The following UPF3B variants were observed in gnomAD, a reference collection of about 807,000 sequenced individuals.
UPF3B encodes UPF3B regulator of nonsense mediated mRNA decay, also known as regulator of nonsense transcripts 3B.
A neutral mutation model predicts 40.3 loss-of-function variants in UPF3B; 7 were observed. That is an observed-to-expected ratio of 0.17 (90% CI 0.10 to 0.33). The LOEUF (loss-of-function observed/expected upper bound fraction) is 0.33. Among genes scored for constraint, UPF3B ranks in the 10% least tolerant of loss-of-function variants. The pLI, the probability that UPF3B is intolerant of heterozygous loss-of-function variation, is 1.00. For missense variants in UPF3B, 229 were observed against 358.9 expected (o/e 0.64, Z 2.93); for synonymous variants, 117 against 117.3 (o/e 1.00, Z 0.01).
Position 119,837,978 on chromosome X carries a change from G to A in UPF3B, c.1081C>T (p.Arg361Ter). The A allele has an allele frequency of 8.3e-7, 1 of 1,210,058 alleles. No homozygotes were observed. Among genetic ancestry groups the A allele is most frequent in the Non-Finnish European group, 1.1e-6 (1 of 895,251 alleles). The change falls in exon 10 of 11, where the codon CGA (arginine) becomes TGA (stop). Residue 361 changes from arginine to a stop codon, truncating the protein, a stop_gained. Coordinates refer to ENST00000276201, the MANE Select transcript of UPF3B (RefSeq NM_080632.3). LOFTEE classifies it high-confidence loss of function. ...EYERDQERIL[R>*]ERERLKRQEE... Reference sequence around the variant, plus strand: ...TGCCGCTTCAGCCTCTCTCTTTCTCGAAGTATGCGCTCCTGATCTCGTTCA... The same window carrying A: ...TGCCGCTTCAGCCTCTCTCTTTCTCAAAGTATGCGCTCCTGATCTCGTTCA...
At position 119,837,683 on chromosome X, in the gene UPF3B, C is replaced by G. The variant is rs948494343; in HGVS notation, c.1302+74G>C. The G allele has an allele frequency of 5.8e-6, 6 of 1,032,702 alleles. No individual in the cohort carries two copies. The African/African-American group carries it at 1.1e-4, about 20-fold the overall frequency. The allele number at this position is 1,032,702 out of a possible 1,213,427, so 85.1% of individuals were successfully genotyped here. On this transcript the variant is annotated intron_variant, in intron 10 of 10. Coordinates refer to ENST00000276201, the MANE Select transcript of UPF3B (RefSeq NM_080632.3). Reference sequence around the variant, plus strand: ...CTTTAAAAATTCTATAATAACAGTGCCCTTTACACTTTCTTTACACTTGCA... The same window carrying G: ...CTTTAAAAATTCTATAATAACAGTGGCCTTTACACTTTCTTTACACTTGCA...
At chrX:119,845,063 G>A (rs1279139993) in intron 4 of UPF3B, 135 bp downstream of exon 4, 8 of 509,189 alleles carry the variant, frequency 1.6e-5, no homozygotes, top group Non-Finnish European at 2.7e-5. Flanking sequence ...GCTTCCATCG[G>A]CAAATAACAT....
chrX:119,813,853 C>T (rs1005797375), intron 5 of UPF3B, among the ~76,000 whole-genome samples: 3 of 110,554 alleles, frequency 2.7e-5, no homozygotes, highest in African/African-American at 6.6e-5. Context: ...CATGAGCCAC[C>T]GTGCCTGGCC....
intron 5 of UPF3B, among the ~76,000 whole-genome samples, chrX:119,811,025 C>T (rs911443859): frequency 9.2e-6 from 1 of 108,607 alleles, no homozygotes; most frequent in African/African-American, 3.3e-5. Flanking sequence ...TTATCTTTTA[C>T]GTCTATTTTC....
intron 3 of UPF3B, among the ~76,000 whole-genome samples, chrX:119,847,789 T>C (rs1423983547): frequency 1.8e-5 from 2 of 109,512 alleles, no homozygotes; most frequent in Non-Finnish European, 3.8e-5. Flanking sequence ...AAAATAAAAA[T>C]AGAATTACCA....
intron 5 of UPF3B, among the ~76,000 whole-genome samples, chrX:119,842,629 C>CACACACACACACACAG (rs202167619): frequency 2.8e-5 from 3 of 107,210 alleles, no homozygotes; most frequent in African/African-American, 1.0e-4. Context: ...CACACACACA[C>CACACACACACACACAG]AGAGAGAGAG....
At chrX:119,850,068 GGGA>G (rs1569463711) in intron 3 of UPF3B, among the ~76,000 whole-genome samples, 2 of 103,058 alleles carry the variant, frequency 1.9e-5, no homozygotes, top group African/African-American at 7.8e-5. Flanking sequence ...GGTGGGGGGG[GGGA>G]AATCACTTGA....
At chrX:119,820,226 C>G (rs1302260342) in intron 4 of UPF3B, among the ~76,000 whole-genome samples, 1 of 111,958 alleles carries the variant, frequency 8.9e-6, no homozygotes, top group East Asian at 2.8e-4. Flanking sequence ...TCACTACAAC[C>G]TCTGCCTCCC....
chrX:119,838,286 T>G, intron 9 of UPF3B, 81 bp downstream of exon 9: 2 of 1,096,564 alleles, frequency 1.8e-6, no homozygotes, highest in South Asian at 3.8e-5. Context: ...CAGCTTATCT[T>G]AATTCAGGTA....
intron 5 of UPF3B, among the ~76,000 whole-genome samples, chrX:119,812,138 A>C (rs2147753301): frequency 9.0e-6 from 1 of 111,093 alleles, no homozygotes; most frequent in East Asian, 2.8e-4. Flanking sequence ...TCTGCAATCC[A>C]GCTACTTGGG....
In UPF3B at chrX:119,815,252, G is replaced by T; in HGVS notation, c.551C>A (p.Ser184Ter). 1 of 797,822 alleles carries T rather than the reference G, an allele frequency of 1.3e-6. No individual in the cohort carries two copies. 65.7% of individuals were successfully genotyped at this position (797,822 alleles called of 1,213,427 possible). ...AGACTTGGTTATGTCATCAGGGTGC[G>T]AGAGTCGACCTTGGCTTCGAGCTCC... is the stretch of plus-strand genomic sequence containing the variant. The change falls in exon 5 of 7, where the codon TCG becomes TAG. Residue 184 changes from serine to a stop codon, truncating the protein, a stop_gained. Coordinates refer to the UPF3B transcript ENST00000636792. LOFTEE classifies it high-confidence loss of function.
intron 5 of UPF3B, among the ~76,000 whole-genome samples, chrX:119,814,348 C>T (rs753791527): frequency 1.3e-3 from 146 of 111,958 alleles, no homozygotes; most frequent in Middle Eastern, 4.2e-3. Context: ...TTCTTCATGC[C>T]AAGCTTAGAT....
rs1045921116 is a variant in UPF3B at position 119,834,825 on chromosome X, G to A, written c.*53C>T. 1.1e-5 allele frequency: 13 copies of A among 1,208,254 alleles called. No individual in the cohort carries two copies. The highest frequency in any genetic ancestry group is 5.9e-5 in the East Asian group (2 of 33,740). On this transcript the variant is annotated 3_prime_UTR_variant, in exon 11 of 11. Transcript: ENST00000276201. ...TGAAGGCACCTCTGGATTGCTTAAC[G>A]TGTGCTCTTTGGCTGCCTAGACAGT...
chrX:119,824,467 G>A (rs1258031664), intron 3 of UPF3B, among the ~76,000 whole-genome samples: 4 of 106,419 alleles, frequency 3.8e-5, no homozygotes, highest in Non-Finnish European at 7.7e-5. Context: ...GAACAGAAGA[G>A]GGAGGTGCTG....
chrX:119,819,581 G>A (rs2055893816), intron 4 of UPF3B, among the ~76,000 whole-genome samples: 1 of 111,223 alleles, frequency 9.0e-6, no homozygotes, highest in Non-Finnish European at 1.9e-5. Context: ...TAAAAAGTCT[G>A]TAAAGGGCAA....
intron 5 of UPF3B, among the ~76,000 whole-genome samples, chrX:119,808,790 C>T (rs1490974078): frequency 8.9e-6 from 1 of 112,051 alleles, no homozygotes; most frequent in African/African-American, 3.2e-5. Flanking sequence ...AGAATGGCTT[C>T]TCTTAAGGCC....
chrX:119,832,216 T>G (rs1240301265), downstream of UPF3B, among the ~76,000 whole-genome samples: 2 of 111,636 alleles, frequency 1.8e-5, no homozygotes, highest in Non-Finnish European at 3.8e-5. Context: ...TGCCTTGGCC[T>G]TCTAAATGCT....
chrX:119,846,195 G>A lies in UPF3B; in HGVS notation c.371-899C>T, dbSNP rs2056228861. Among the ~76,000 whole-genome samples the A allele has an allele frequency of 2.7e-5, 3 of 109,922 alleles. No homozygotes were observed. In the South Asian group the frequency reaches 1.2e-3, roughly 42 times the overall value. On this transcript the variant is annotated intron_variant, in intron 3 of 10. Transcript: ENST00000276201. ...CTAAAAATACAAAAATTAGCTGGGC[G>A]TGGTGGCACGTGCCTGCAATCCCAG...
chrX:119,819,432 C>G (rs1209736308), intron 4 of UPF3B, among the ~76,000 whole-genome samples: 1 of 111,169 alleles, frequency 9.0e-6, no homozygotes, highest in African/African-American at 3.3e-5. Flanking sequence ...ACCAGAGAGT[C>G]CTTTTCTACC....
Sources: allele counts gnomAD v4.1 joint callset (sites outside exome capture counted in the v4.1 genomes callset), GRCh38; gene constraint gnomAD v4.1.1; transcripts MANE v1.5; gene names NCBI Gene and HGNC (gene_info 2026-07-23, HGNC 2026-07-21).